The following DCST1 variants were observed in gnomAD, a reference collection of about 807,000 sequenced individuals.
The protein encoded by DCST1 is DC-STAMP domain containing 1.
Under a neutral mutation model 89.1 loss-of-function variants are expected in DCST1, and 78 were observed. That is an observed-to-expected ratio of 0.88 (90% CI 0.73 to 1.06). The LOEUF (loss-of-function observed/expected upper bound fraction) is 1.06. Among genes scored for constraint, DCST1 ranks in the 50% least tolerant of loss-of-function variants. The pLI is 0.00. For synonymous variants in DCST1, 364 were observed against 371.9 expected, an observed-to-expected ratio of 0.98 and a Z score of 0.24; for missense variants, 900 against 928.6, an observed-to-expected ratio of 0.97 and a Z score of 0.40.
chr1:155,042,174 C>T (rs1400036202), intron 8 of DCST1, among the ~76,000 whole-genome samples: 1 of 152,162 alleles, frequency 6.6e-6, no homozygotes, highest in African/African-American at 2.4e-5. Flanking sequence ...TCTCGGCTCA[C>T]CGCAACCTCT....
At position 155,040,533 on chromosome 1, in the gene DCST1, T is replaced by C. The variant is rs1237549794; in HGVS notation, c.440T>C (p.Leu147Pro). Residue 147 changes from leucine (L) to proline (P), a missense_variant, in exon 6 of 17, where the codon CTG becomes CCG. By Grantham distance (98) the Leu-to-Pro change is moderately conservative. Coordinates refer to ENST00000295542, the MANE Select transcript of DCST1 (RefSeq NM_152494.4). Reference sequence around the variant, plus strand: ...AATCTCAACAACGTGATCGCATCGCTGGGCTGCACCGTGGAGCTGCAGATC... The same window carrying C: ...AATCTCAACAACGTGATCGCATCGCCGGGCTGCACCGTGGAGCTGCAGATC... ...RHNLNNVIAS[L>P]GCTVELQINN... 2 of 1,594,912 alleles carry C rather than the reference T, an allele frequency of 1.3e-6. No homozygotes were observed. The highest frequency in any genetic ancestry group is 2.3e-5 in the South Asian group (2 of 87,858).
At chr1:155,041,283 G>A (rs1660433197) in intron 6 of DCST1, 114 bp from the exon 7 acceptor site, 1 of 1,077,812 alleles carries the variant, frequency 9.3e-7, no homozygotes, top group African/African-American at 1.6e-5. Flanking sequence ...TAGGCTCCCT[G>A]TCGGCCTGGG....
At chr1:155,047,109 C>T in intron 13 of DCST1, 87 bp from the exon 14 acceptor site, 3 of 1,061,702 alleles carry the variant, frequency 2.8e-6, no homozygotes, top group Non-Finnish European at 2.9e-6. Context: ...ATTTCTGTGT[C>T]TTGACCCCTC....
chr1:155,048,303 A>G (rs1660727650), intron 16 of DCST1, 133 bp downstream of exon 16: 4 of 706,332 alleles, frequency 5.7e-6, no homozygotes, highest in Non-Finnish European at 9.4e-6. Context: ...AGTTCTTTTT[A>G]TTTTTTGAGA....
intron 13 of DCST1, 73 bp downstream of exon 13, chr1:155,046,559 C>CCCCA: frequency 6.5e-7 from 1 of 1,546,394 alleles, no homozygotes; most frequent in Non-Finnish European, 8.8e-7. Context: ...TGCACAGCCA[C>CCCCA]CCCACCCTAG....
chr1:155,045,570 C>T, intron 10 of DCST1: 1 of 384,896 alleles, frequency 2.6e-6, no homozygotes, highest in Non-Finnish European at 4.9e-6. Context: ...AAGATGCATG[C>T]CTGTCCCTAC....
At chr1:155,036,044 T>C (rs1371296104) in intron 4 of DCST1, among the ~76,000 whole-genome samples, 1 of 107,192 alleles carries the variant, frequency 9.3e-6, no homozygotes, top group Non-Finnish European at 1.8e-5. Flanking sequence ...TGAAACTCTG[T>C]CTCAAAAAAA....
At position 155,041,247 on chromosome 1, in the gene DCST1, G is replaced by A. The variant is rs1357245099; in HGVS notation, c.532-150G>A. The A allele has an allele frequency of 2.1e-5, 16 of 754,770 alleles. 1 individual carries two copies. The South Asian group carries it at 2.7e-4, about 13-fold the overall frequency. The allele number at this position is 754,770 out of a possible 1,614,324, so 46.8% of individuals were successfully genotyped here. A position where few individuals can be genotyped will look rare whatever the true frequency, so the allele number is the denominator to read the frequency against. ...AAGGGCAATGGACAGCCGGGAATTT[G>A]AGGTGAGAGGCTGTGTCTCAGGGCC... On this transcript the variant is annotated intron_variant, in intron 6 of 16. Coordinates refer to ENST00000295542, the MANE Select transcript of DCST1 (RefSeq NM_152494.4).
At chr1:155,043,158 T>C (rs1289181287) in intron 9 of DCST1, among the ~76,000 whole-genome samples, 194 bp from the exon 10 acceptor site, 1 of 152,068 alleles carries the variant, frequency 6.6e-6, no homozygotes, top group African/African-American at 2.4e-5. Context: ...TGAGATGATG[T>C]CAGCTGATGT....
Position 155,033,857 on chromosome 1 carries a change from A to C in DCST1, c.-66+3A>C. On this transcript the variant is annotated splice_donor_region_variant and intron_variant, in intron 1 of 16. Coordinates refer to ENST00000295542, the MANE Select transcript of DCST1 (RefSeq NM_152494.4). The stretch of plus-strand genomic sequence containing the variant: ...TCCGAGGACTGGAGAGGGGATAGGT[A>C]GGTCTCTAATCTCCTTCCCCACTTC... The C allele has an allele frequency of 7.7e-7, 1 of 1,297,718 alleles. No homozygotes were observed. The highest frequency in any genetic ancestry group is 1.5e-5 in the African/African-American group (1 of 67,518). 80.4% of individuals were successfully genotyped at this position (1,297,718 alleles called of 1,614,324 possible).
At position 155,042,725 on chromosome 1, in the gene DCST1, T is replaced by C. The variant is rs1457019391; in HGVS notation, c.893-10T>C. 54 of 1,613,982 alleles carry C rather than the reference T, an allele frequency of 3.3e-5. No homozygotes were observed. The highest frequency in any genetic ancestry group is 4.3e-5 in the Non-Finnish European group (51 of 1,180,032). On this transcript the variant is annotated splice_polypyrimidine_tract_variant and intron_variant, in intron 8 of 16. Transcript: ENST00000295542. ...CGGGGAGGCCCCTGACCCCGTCCACTGTTCACCAGTGATGGAGGTTTGGTG... is the reference window on the plus strand; with the variant it reads ...CGGGGAGGCCCCTGACCCCGTCCACCGTTCACCAGTGATGGAGGTTTGGTG...
rs1660703819 is a variant in DCST1 at position 155,047,781 on chromosome 1, C to T, written c.1613-6C>T. On this transcript the variant is annotated splice_polypyrimidine_tract_variant and splice_region_variant and intron_variant, in intron 14 of 16. Transcript: ENST00000295542. ...TGACCAGACCCCTGGCCTGCCCCTCCCCTAGCCTGCCTGCCCCAGCCTGTG... is the reference window on the plus strand; with the variant it reads ...TGACCAGACCCCTGGCCTGCCCCTCTCCTAGCCTGCCTGCCCCAGCCTGTG... 6.2e-7 allele frequency: 1 copy of T among 1,613,152 alleles called. No individual in the cohort carries two copies. The highest frequency in any genetic ancestry group is 1.1e-5 in the South Asian group (1 of 91,072).
In DCST1 at chr1:155,047,938, C is replaced by T; in HGVS notation, c.1755+9C>T. The T allele has an allele frequency of 6.2e-7, 1 of 1,614,010 alleles. No individual in the cohort carries two copies. Among genetic ancestry groups the T allele is most frequent in the South Asian group, 1.1e-5 (1 of 91,080 alleles). Reference sequence around the variant, plus strand: ...CCTTCTACTTCCCCAAGGTTTGCCCCTCCCCAGACCTCTCCACCCCTACAC... The same window carrying T: ...CCTTCTACTTCCCCAAGGTTTGCCCTTCCCCAGACCTCTCCACCCCTACAC... On this transcript the variant is annotated intron_variant, in intron 15 of 16. Transcript: ENST00000295542.
chr1:155,041,978 C>T, intron 8 of DCST1, 121 bp downstream of exon 8: 1 of 1,368,428 alleles, frequency 7.3e-7, no homozygotes, highest in Non-Finnish European at 1.0e-6. Context: ...GAGGCCACAG[C>T]ATCCTTAGAG....
chr1:155,046,598 C>CACTTTT, intron 13 of DCST1, 112 bp downstream of exon 13: 16 of 415,754 alleles, frequency 3.8e-5, no homozygotes, highest in Non-Finnish European at 4.0e-5. Flanking sequence ...GTCCTTCTGC[C>CACTTTT]TCTTTTTTTT....
chr1:155,048,939 G>A (rs1660753786), intron 16 of DCST1: 1 of 698,952 alleles, frequency 1.4e-6, no homozygotes, highest in Non-Finnish European at 2.7e-6. Context: ...CATGGAATCT[G>A]AGGAAGCAGA....
chr1:155,047,611 G>A (rs1303216667), intron 14 of DCST1, among the ~76,000 whole-genome samples, 176 bp from the exon 15 acceptor site: 1 of 152,236 alleles, frequency 6.6e-6, no homozygotes, highest in Non-Finnish European at 1.5e-5. Context: ...CAAGATCTGT[G>A]CCACATTGGG....
At position 155,047,934 on chromosome 1, in the gene DCST1, G is replaced by A. The variant is rs370200314; in HGVS notation, c.1755+5G>A. The A allele has an allele frequency of 1.2e-6, 2 of 1,613,746 alleles. No homozygotes were observed. Among genetic ancestry groups the A allele is most frequent in the African/African-American group, 1.3e-5 (1 of 74,834 alleles). On this transcript the variant is annotated splice_donor_5th_base_variant and intron_variant, in intron 15 of 16. Coordinates refer to ENST00000295542, the MANE Select transcript of DCST1 (RefSeq NM_152494.4). ...GCAGCCTTCTACTTCCCCAAGGTTT[G>A]CCCCTCCCCAGACCTCTCCACCCCT...
chr1:155,036,203 A>G (rs2102350802), intron 4 of DCST1, among the ~76,000 whole-genome samples: 1 of 152,266 alleles, frequency 6.6e-6, no homozygotes. Context: ...AACCTGTCCC[A>G]GGCAAGGGAA....
Sources: allele counts gnomAD v4.1 joint callset (sites outside exome capture counted in the v4.1 genomes callset), GRCh38; gene constraint gnomAD v4.1.1; transcripts MANE v1.5; gene names NCBI Gene and HGNC (gene_info 2026-07-23, HGNC 2026-07-21).